Variants in NBDY observed in about 807,000 individuals in gnomAD.
The protein encoded by NBDY is negative regulator of P-body association.
In NBDY at chrX:56,794,754, G is replaced by A. The variant is rs776892977; in HGVS notation, c.*167-22566G>A. On this transcript the variant is annotated intron_variant, in intron 2 of 2. Transcript: ENST00000374922. ...AGGTCTCCTAAGAAGAGACCAGGCCGAATGCTGGTGCACACCACACTTGTC... is the reference window on the plus strand; with the variant it reads ...AGGTCTCCTAAGAAGAGACCAGGCCAAATGCTGGTGCACACCACACTTGTC... Among the ~76,000 whole-genome samples the A allele has an allele frequency of 1.8e-4, 20 of 112,379 alleles. No individual in the cohort carries two copies. The East Asian group carries it at 3.1e-3, about 17-fold the overall frequency.
intron 2 of NBDY, among the ~76,000 whole-genome samples, chrX:56,789,364 C>T (rs2069748230): frequency 1.8e-5 from 2 of 111,569 alleles, no homozygotes; most frequent in African/African-American, 6.5e-5. Flanking sequence ...GTAGGTTGTA[C>T]TGGGGGCAGT....
At position 56,819,086 on chromosome X, in the gene NBDY, A is replaced by G. The variant is rs1346699462; in HGVS notation, c.*1933A>G. On this transcript the variant is annotated 3_prime_UTR_variant, in exon 3 of 3. Transcript: ENST00000374922. The stretch of plus-strand genomic sequence containing the variant: ...AAGACTCAAATATAAGGGTTACACT[A>G]TAAAACTCTTGGGAGGAAATATAGA... 1.5e-4 allele frequency: 17 copies of G among 110,863 alleles called. No homozygotes were observed. Among genetic ancestry groups the G allele is most frequent in the Non-Finnish European group, 5.7e-5 (3 of 52,930 alleles). 9.1% of individuals were successfully genotyped at this position (110,863 alleles called of 1,213,427 possible).
At chrX:56,735,721 T>G (rs1419454595) in intron 2 of NBDY, among the ~76,000 whole-genome samples, 1 of 109,653 alleles carries the variant, frequency 9.1e-6, no homozygotes, top group Non-Finnish European at 1.9e-5. Context: ...TAAAAGAGAC[T>G]TTGGAGAGAT....
At chrX:56,805,669 G>T (rs1443159459) in intron 2 of NBDY, among the ~76,000 whole-genome samples, 1 of 111,907 alleles carries the variant, frequency 8.9e-6, no homozygotes, top group Non-Finnish European at 1.9e-5. Flanking sequence ...CTAAGGGGCT[G>T]ACTCTCTTGG....
At chrX:56,817,257 C>T (rs1037964951) in intron 2 of NBDY, 63 bp from the exon 3 acceptor site, 6 of 112,083 alleles carry the variant, frequency 5.4e-5, no homozygotes, top group African/African-American at 1.9e-4. Flanking sequence ...CATATCTGAC[C>T]TGTATGATAA....
At chrX:56,806,152 A>T (rs1293485345) in intron 2 of NBDY, among the ~76,000 whole-genome samples, 3 of 111,852 alleles carry the variant, frequency 2.7e-5, no homozygotes, top group Non-Finnish European at 5.6e-5. Flanking sequence ...ACATGAACTC[A>T]TCCATTTTAT....
At chrX:56,784,266 C>T (rs2069714179) in intron 2 of NBDY, among the ~76,000 whole-genome samples, 2 of 111,982 alleles carry the variant, frequency 1.8e-5, no homozygotes, top group Non-Finnish European at 3.8e-5. Flanking sequence ...GAATGCAGTC[C>T]GGTCCAACAG....
intron 2 of NBDY, among the ~76,000 whole-genome samples, chrX:56,764,300 C>A: frequency 8.9e-6 from 1 of 112,132 alleles, no homozygotes. Context: ...ACAAAAGACA[C>A]CAGAGTAAAC....
At chrX:56,739,236 G>GTATATATATATATATATATATATATATA (rs67727538) in intron 2 of NBDY, among the ~76,000 whole-genome samples, 2 of 58,062 alleles carry the variant, frequency 3.4e-5, no homozygotes, top group African/African-American at 1.4e-4. Context: ...GTGTTTGTGT[G>GTATATATATATATATATATATATATATA]TGTATATATA....
intron 2 of NBDY, among the ~76,000 whole-genome samples, chrX:56,753,729 C>A (rs192946648): frequency 2.2e-4 from 24 of 111,001 alleles, no homozygotes; most frequent in African/African-American, 5.9e-4. Flanking sequence ...GTGTGGTTAA[C>A]AGTGTCAAAT....
At chrX:56,766,338 C>T (rs2069665485) in intron 2 of NBDY, among the ~76,000 whole-genome samples, 1 of 111,694 alleles carries the variant, frequency 9.0e-6, no homozygotes, top group Non-Finnish European at 1.9e-5. Flanking sequence ...TGCCCACTCT[C>T]ACTCACACAG....
At chrX:56,745,395 T>G (rs1003330642) in intron 2 of NBDY, among the ~76,000 whole-genome samples, 2 of 110,970 alleles carry the variant, frequency 1.8e-5, no homozygotes, top group Non-Finnish European at 3.8e-5. Flanking sequence ...GGCTTATCTC[T>G]TTTTCTAAAT....
At chrX:56,757,345 A>G (rs1279012442) in intron 2 of NBDY, among the ~76,000 whole-genome samples, 1 of 112,215 alleles carries the variant, frequency 8.9e-6, no homozygotes, top group Non-Finnish European at 1.9e-5. Context: ...TTAAATAAGA[A>G]GGCAGCATTG....
intron 2 of NBDY, among the ~76,000 whole-genome samples, chrX:56,796,841 T>C (rs1194085468): frequency 9.0e-6 from 1 of 110,721 alleles, no homozygotes; most frequent in Non-Finnish European, 1.9e-5. Flanking sequence ...AAAGATCTCA[T>C]TGACAAGAAG....
chrX:56,756,398 A>T (rs1481374217), intron 2 of NBDY, among the ~76,000 whole-genome samples: 1 of 107,449 alleles, frequency 9.3e-6, no homozygotes, highest in African/African-American at 3.4e-5. Flanking sequence ...AAAAGGATAC[A>T]CCCTATTAAA....
chrX:56,793,377 C>T (rs1281564937), intron 2 of NBDY, among the ~76,000 whole-genome samples: 2 of 111,778 alleles, frequency 1.8e-5, no homozygotes, highest in Non-Finnish European at 3.8e-5. Flanking sequence ...GGCTGGCTGC[C>T]TCTACAGCAT....
At chrX:56,765,748 C>T (rs1207134670) in intron 2 of NBDY, among the ~76,000 whole-genome samples, 1 of 110,865 alleles carries the variant, frequency 9.0e-6, no homozygotes, top group Non-Finnish European at 1.9e-5. Flanking sequence ...CTTCCTACTC[C>T]TCCTTTTTCT....
In NBDY at chrX:56,730,513, C is replaced by CAAAA. The variant is rs1157131797; in HGVS notation, c.*29+954_*29+957dup. On this transcript the variant is annotated intron_variant, in intron 1 of 2. Coordinates refer to ENST00000374922, the MANE Select transcript of NBDY (RefSeq NM_001348129.2). ...GCGACAATAGCAAAAAACTACGTCT[C>CAAAA]AAAAAAAAAAAAAAAAAAAAAAAAA... Among the ~76,000 whole-genome samples the CAAAA allele has an allele frequency of 4.3e-3, 48 of 11,211 alleles. 7 individuals carry two copies. Among genetic ancestry groups the CAAAA allele is most frequent in the South Asian group, 0.033 (1 of 30 alleles). 9.7% of individuals were successfully genotyped at this position (11,211 alleles called of 115,157 possible).
chrX:56,763,467 T>A (rs756651395), intron 2 of NBDY, among the ~76,000 whole-genome samples: 2 of 112,309 alleles, frequency 1.8e-5, no homozygotes, highest in South Asian at 7.4e-4. Context: ...CCTCCATGTG[T>A]CAGCCCAAGG....
Sources: gnomAD v4.1 joint callset for allele counts (sites outside exome capture counted in the v4.1 genomes callset) on GRCh38, gnomAD v4.1.1 for gene constraint, MANE v1.5 for transcripts, NCBI Gene and HGNC (gene_info 2026-07-23, HGNC 2026-07-21) for gene names.